The following CNTNAP4 variants were observed in gnomAD, a reference collection of about 807,000 sequenced individuals.
CNTNAP4 encodes contactin associated protein family member 4.
In CNTNAP4, 98 loss-of-function variants were observed where a neutral mutation model predicts 148.4. The ratio of observed to expected loss-of-function variants is 0.66; its 90% CI spans 0.56 to 0.78. The LOEUF (loss-of-function observed/expected upper bound fraction) is 0.78. Ranked by LOEUF, CNTNAP4 falls within the 30% of genes least tolerant of loss-of-function variation. The pLI, the probability that CNTNAP4 is intolerant of heterozygous loss-of-function variation, is 0.00. For missense variants in CNTNAP4, 1,935 were observed against 1,565.6 expected, an observed-to-expected ratio of 1.24 and a Z score of -3.98; for synonymous variants, 730 against 565.1, an observed-to-expected ratio of 1.29 and a Z score of -4.14.
chr16:76,288,365 A>T (rs1271404302), intron 1 of CNTNAP4, among the ~76,000 whole-genome samples: 7 of 152,158 alleles, frequency 4.6e-5, no homozygotes. Flanking sequence ...GAGCAAACTA[A>T]TACACTGCTT....
At chr16:76,370,463 G>A (rs1356781722) in intron 3 of CNTNAP4, among the ~76,000 whole-genome samples, 1 of 152,174 alleles carries the variant, frequency 6.6e-6, no homozygotes, top group Non-Finnish European at 1.5e-5. Context: ...CCACTACCAA[G>A]TAGCAGCCTG....
At chr16:76,552,682 A>G (rs868438949) in intron 21 of CNTNAP4, among the ~76,000 whole-genome samples, 20 of 152,180 alleles carry the variant, frequency 1.3e-4, no homozygotes, top group African/African-American at 4.8e-4. Flanking sequence ...ATTGCTGTAC[A>G]TGAGTAATTA....
At chr16:76,356,651 C>A (rs907508429) in intron 3 of CNTNAP4, among the ~76,000 whole-genome samples, 2 of 152,188 alleles carry the variant, frequency 1.3e-5, no homozygotes, top group African/African-American at 4.8e-5. Context: ...CTATTCTCCC[C>A]TCTCTGGCTG....
intron 1 of CNTNAP4, among the ~76,000 whole-genome samples, chr16:76,310,709 T>C (rs1189317407): frequency 6.6e-6 from 1 of 152,188 alleles, no homozygotes; most frequent in African/African-American, 2.4e-5. Flanking sequence ...TTAGCAGGCA[T>C]GCAACTAATT....
At chr16:76,318,287 A>C (rs11861029) in intron 2 of CNTNAP4, among the ~76,000 whole-genome samples, 4,958 of 152,294 alleles carry the variant, frequency 0.033, 293 homozygotes, top group African/African-American at 0.11. Flanking sequence ...TAATCTACCT[A>C]TTTATCTTGA....
intron 3 of CNTNAP4, among the ~76,000 whole-genome samples, chr16:76,406,989 A>G (rs112149596): frequency 0.016 from 2,360 of 152,244 alleles, 39 homozygotes; most frequent in African/African-American, 0.048. Flanking sequence ...ACAGCCTTCT[A>G]TTGGAAGATG....
In CNTNAP4 at chr16:76,452,598, G is replaced by A. The variant is rs780176495; in HGVS notation, c.1162G>A (p.Gly388Arg). 1.9e-6 allele frequency: 3 copies of A among 1,613,982 alleles called. No individual in the cohort carries two copies. Among genetic ancestry groups the A allele is most frequent in the Middle Eastern group, 1.6e-4 (1 of 6,062 alleles). The change falls in exon 8 of 24, where the codon GGA becomes AGA. Residue 388 changes from glycine (G) to arginine (R), a missense_variant. Physicochemically the swap from Gly to Arg is moderately radical, Grantham distance 125. Coordinates refer to ENST00000611870, the MANE Select transcript of CNTNAP4 (RefSeq NM_033401.5). Reference sequence around the variant, plus strand: ...TTATTTAGCACTGCCAGACTTCTCTGGAGAGGAGGAGGTTTCTGCCACTTT... The same window carrying A: ...TTATTTAGCACTGCCAGACTTCTCTAGAGAGGAGGAGGTTTCTGCCACTTT... ...RSYLALPDFSGEEEVSATFQF... is the reference protein window; with the variant it reads ...RSYLALPDFSREEEVSATFQF...
rs2085083868 is a variant in CNTNAP4, at chr16:76,553,998, C to T, written c.3733+91C>T. 2.3e-5 allele frequency: 18 copies of T among 789,534 alleles called. 1 individual carries two copies. The South Asian group carries it at 3.0e-4, about 13-fold the overall frequency. 48.9% of individuals were successfully genotyped at this position (789,534 alleles called of 1,614,324 possible). On this transcript the variant is annotated intron_variant, in intron 23 of 23. Transcript: ENST00000611870. ...CATTGTAGAAACTGTGAAGAATCTGCACATACTCCAAGTGCCAGGCACTGA... is the reference window on the plus strand; with the variant it reads ...CATTGTAGAAACTGTGAAGAATCTGTACATACTCCAAGTGCCAGGCACTGA...
intron 21 of CNTNAP4, among the ~76,000 whole-genome samples, chr16:76,545,424 A>G (rs1030931727): frequency 7.9e-5 from 12 of 152,214 alleles, no homozygotes; most frequent in African/African-American, 2.9e-4. Flanking sequence ...TAATAGTAGA[A>G]CAAATGATAA....
At chr16:76,542,537 C>T (rs937741690) in intron 21 of CNTNAP4, among the ~76,000 whole-genome samples, 2 of 152,028 alleles carry the variant, frequency 1.3e-5, no homozygotes, top group African/African-American at 2.4e-5. Context: ...GGGAGGTAAG[C>T]GTGCAGGTGG....
At chr16:76,287,182 G>A (rs1313047904) in intron 1 of CNTNAP4, among the ~76,000 whole-genome samples, 5 of 152,134 alleles carry the variant, frequency 3.3e-5, no homozygotes, top group African/African-American at 1.2e-4. Flanking sequence ...AAAGCAAAGA[G>A]CAAACACTGT....
At chr16:76,314,226 A>G (rs1219751295) in intron 1 of CNTNAP4, among the ~76,000 whole-genome samples, 2 of 152,246 alleles carry the variant, frequency 1.3e-5, no homozygotes, top group Non-Finnish European at 2.9e-5. Context: ...TAAGCCTTTG[A>G]CTATGCCACT....
At chr16:76,427,341 C>T in intron 3 of CNTNAP4, 111 bp from the exon 4 acceptor site, 1 of 800,054 alleles carries the variant, frequency 1.2e-6, no homozygotes, top group East Asian at 2.7e-5. Flanking sequence ...TAGAAGGTAG[C>T]ACCATTCATA....
Position 76,448,623 on chromosome 16 carries a change from G to A in CNTNAP4, c.743-144G>A, listed in dbSNP as rs142324096. On this transcript the variant is annotated intron_variant, in intron 5 of 23. Coordinates refer to ENST00000611870, the MANE Select transcript of CNTNAP4 (RefSeq NM_033401.5). ...TGAGATATTATTATATTGAAACTTC[G>A]GGGAAATGCATCCTAGTATTTGAAA... The A allele has an allele frequency of 6.6e-4, 389 of 588,522 alleles. 1 individual carries two copies. The African/African-American group carries it at 6.8e-3, about 10-fold the overall frequency. The allele number at this position is 588,522 out of a possible 1,614,324, so 36.5% of individuals were successfully genotyped here.
At chr16:76,382,455 T>C (rs1294223668) in intron 3 of CNTNAP4, among the ~76,000 whole-genome samples, 1 of 152,164 alleles carries the variant, frequency 6.6e-6, no homozygotes, top group Non-Finnish European at 1.5e-5. Flanking sequence ...CTTAAAATAT[T>C]GTGCTGTGAC....
chr16:76,494,026 T>C (rs185782556), intron 13 of CNTNAP4, among the ~76,000 whole-genome samples: 17 of 152,222 alleles, frequency 1.1e-4, no homozygotes, highest in Admixed American at 2.6e-4. Context: ...ACTGATTCTA[T>C]GTTGCTTACA....
At chr16:76,525,534 A>T (rs1418301491) in intron 17 of CNTNAP4, among the ~76,000 whole-genome samples, 7 of 147,514 alleles carry the variant, frequency 4.7e-5, no homozygotes, top group Non-Finnish European at 9.0e-5. Flanking sequence ...TATATATTTC[A>T]GTGGAAGAGA....
intron 9 of CNTNAP4, 80 bp downstream of exon 9, chr16:76,462,185 T>C: frequency 8.3e-7 from 1 of 1,208,208 alleles, no homozygotes; most frequent in Non-Finnish European, 1.2e-6. Flanking sequence ...AGTCATCATG[T>C]TTTAACTAAT....
At chr16:76,370,694 G>A (rs1162936009) in intron 3 of CNTNAP4, among the ~76,000 whole-genome samples, 1 of 152,140 alleles carries the variant, frequency 6.6e-6, no homozygotes, top group East Asian at 1.9e-4. Flanking sequence ...TGTTACTAAC[G>A]ACAAATTGCC....
Sources: allele counts gnomAD v4.1 joint callset (sites outside exome capture counted in the v4.1 genomes callset), GRCh38; gene constraint gnomAD v4.1.1; transcripts MANE v1.5; gene names NCBI Gene and HGNC (gene_info 2026-07-23, HGNC 2026-07-21).